The following MED15 variants were observed in gnomAD, a reference collection of about 807,000 sequenced individuals.
MED15 encodes mediator complex subunit 15.
A neutral mutation model predicts 118.7 loss-of-function variants in MED15; 41 were observed. The observed-to-expected ratio is 0.35, with a 90% confidence interval of 0.27 to 0.45. The LOEUF is 0.45. Ranked by LOEUF, MED15 falls within the 20% of genes least tolerant of loss-of-function variation. The pLI is 1.00. For synonymous variants in MED15, 436 were observed against 413.9 expected, an observed-to-expected ratio of 1.05 and a Z score of -0.65; for missense variants, 740 against 1,025.5, an observed-to-expected ratio of 0.72 and a Z score of 3.80.
intron 5 of MED15, among the ~76,000 whole-genome samples, chr22:20,557,573 T>A (rs915894644): frequency 7.9e-5 from 12 of 151,298 alleles, no homozygotes; most frequent in African/African-American, 2.9e-4. Flanking sequence ...CTTGGTGCAT[T>A]TTTTTTTTAA....
At chr22:20,558,490 C>T (rs936838766) in intron 5 of MED15, among the ~76,000 whole-genome samples, 5 of 152,126 alleles carry the variant, frequency 3.3e-5, no homozygotes, top group African/African-American at 4.8e-5. Context: ...TTTCACTCTG[C>T]GCATTTTTGT....
chr22:20,586,637 A>G lies in MED15; in HGVS notation c.2300A>G (p.His767Arg). Residue 767 changes from histidine (H) to arginine (R), a missense_variant, in exon 18 of 18, where the codon CAC becomes CGC. By Grantham distance (29) the His-to-Arg change is conservative. Transcript: ENST00000263205. ...AGGCTGCTGCAGCTCCCGGACAAGC[A>G]CTCGGTCACCGCCTTGCTCAACACC... The part of the protein sequence containing the change: ...TSRLLQLPDK[H>R]SVTALLNTWA... 1 of 1,612,946 alleles carries G rather than the reference A, an allele frequency of 6.2e-7. No homozygotes were observed. Among genetic ancestry groups the G allele is most frequent in the Non-Finnish European group, 8.5e-7 (1 of 1,179,964 alleles).
At chr22:20,524,835 G>A (rs532738891) in intron 1 of MED15, among the ~76,000 whole-genome samples, 33 of 152,102 alleles carry the variant, frequency 2.2e-4, no homozygotes, top group African/African-American at 7.7e-4. Context: ...ACGGGATTTC[G>A]AACTCCTGAC....
intron 1 of MED15, among the ~76,000 whole-genome samples, chr22:20,532,277 TC>T (rs1442736916): frequency 1.1e-4 from 16 of 152,264 alleles, no homozygotes; most frequent in African/African-American, 3.9e-4. Flanking sequence ...TTCCCAAGTT[TC>T]TGGGATGGGC....
chr22:20,585,194 C>A lies in MED15; in HGVS notation c.2058C>A (p.Asp686Glu). 6.2e-7 allele frequency: 1 copy of A among 1,613,766 alleles called. No homozygotes were observed. Among genetic ancestry groups the A allele is most frequent in the Non-Finnish European group, 8.5e-7 (1 of 1,180,000 alleles). The change falls in exon 16 of 18, where the codon GAC becomes GAA. Residue 686 changes from aspartate (D) to glutamate (E), a missense_variant. By Grantham distance (45) the Asp-to-Glu change is conservative. This residue lies in a region of MED15 where 179 missense variants were observed against 259.0 expected (regional missense o/e 0.69). Transcript: ENST00000263205. Reference sequence around the variant, plus strand: ...TCCAGGGTGAGGTGGCCAGGCTGGACCCCAAGTTCCTGGTAAACCTGGACC... The same window carrying A: ...TCCAGGGTGAGGTGGCCAGGCTGGAACCCAAGTTCCTGGTAAACCTGGACC... ...SVLQGEVARLDPKFLVNLDPS... is the reference protein window; with the variant it reads ...SVLQGEVARLEPKFLVNLDPS...
At chr22:20,516,368 T>A (rs1356180437) in intron 1 of MED15, among the ~76,000 whole-genome samples, 1 of 152,054 alleles carries the variant, frequency 6.6e-6, no homozygotes, top group African/African-American at 2.4e-5. Context: ...GAATGGTTGC[T>A]GAACCACAGC....
intron 1 of MED15, among the ~76,000 whole-genome samples, chr22:20,521,551 T>G (rs1399135631): frequency 8.2e-6 from 1 of 121,226 alleles, no homozygotes; most frequent in Non-Finnish European, 1.8e-5. Flanking sequence ...ACCCGGCTAA[T>G]TTTTTTTTTT....
chr22:20,512,587 C>CTTT lies in MED15; in HGVS notation c.68+4861_68+4863dup, dbSNP rs1001694854. Among the ~76,000 whole-genome samples the CTTT allele has an allele frequency of 6.0e-3, 546 of 91,458 alleles. 6 individuals carry two copies. Among genetic ancestry groups the CTTT allele is most frequent in the East Asian group, 0.012 (36 of 2,968 alleles). The allele number at this position is 91,458 out of a possible 152,430, so 60.0% of individuals were successfully genotyped here. A position where few individuals can be genotyped will look rare whatever the true frequency, so the allele number is the denominator to read the frequency against. ...TTCTTGGGGGCTGTGTGAGTCACCT[C>CTTT]TTTTTTTTTTTTTTTTTTTTTTGAG... On this transcript the variant is annotated intron_variant, in intron 1 of 17. Coordinates refer to ENST00000263205, the MANE Select transcript of MED15 (RefSeq NM_001003891.3).
At chr22:20,568,400 G>A (rs1601605940) in intron 7 of MED15, 121 bp from the exon 8 acceptor site, 2 of 1,428,614 alleles carry the variant, frequency 1.4e-6, no homozygotes, top group East Asian at 2.5e-5. Context: ...AGCACATGAG[G>A]TCATGAAAGT....
chr22:20,529,542 G>A (rs758395921), intron 1 of MED15, among the ~76,000 whole-genome samples: 35 of 151,832 alleles, frequency 2.3e-4, no homozygotes, highest in Non-Finnish European at 3.7e-4. Flanking sequence ...CTCCTGCCTC[G>A]GCCTCCCGAG....
At chr22:20,545,151 A>G (rs1191399662) in intron 2 of MED15, among the ~76,000 whole-genome samples, 1 of 152,198 alleles carries the variant, frequency 6.6e-6, no homozygotes, top group African/African-American at 2.4e-5. Context: ...AGGGTGCTGT[A>G]GGGAAATGGA....
intron 9 of MED15, among the ~76,000 whole-genome samples, chr22:20,578,807 T>C (rs1404562531): frequency 6.6e-6 from 1 of 152,236 alleles, no homozygotes; most frequent in Admixed American, 6.5e-5. Flanking sequence ...TCTTGCTCTT[T>C]CCTTGTGGCA....
chr22:20,569,431 G>T (rs144600135), intron 8 of MED15, among the ~76,000 whole-genome samples: 25 of 152,288 alleles, frequency 1.6e-4, no homozygotes, highest in African/African-American at 5.5e-4. Flanking sequence ...TAAGACTGTG[G>T]CTGGGTCCCA....
At chr22:20,527,195 G>A (rs2054675214) in intron 1 of MED15, among the ~76,000 whole-genome samples, 1 of 151,934 alleles carries the variant, frequency 6.6e-6, no homozygotes, top group Non-Finnish European at 1.5e-5. Context: ...TTCCTGTGCT[G>A]GAGTGTTTAA....
intron 1 of MED15, among the ~76,000 whole-genome samples, chr22:20,512,531 C>T (rs2054105827): frequency 6.8e-6 from 1 of 147,644 alleles, no homozygotes; most frequent in Admixed American, 6.8e-5. Context: ...ACCTGGTATA[C>T]AAAACACTTG....
At chr22:20,565,427 A>T (rs2146587456) in intron 6 of MED15, among the ~76,000 whole-genome samples, 1 of 152,334 alleles carries the variant, frequency 6.6e-6, no homozygotes, top group South Asian at 2.1e-4. Flanking sequence ...GTCGACCTCC[A>T]GCTGGTGTTG....
Position 20,546,379 on chromosome 22 carries a change from G to A in MED15, c.157-5057G>A, listed in dbSNP as rs151235711. Among the ~76,000 whole-genome samples the A allele has an allele frequency of 2.3e-3, 347 of 152,248 alleles. 3 individuals carry two copies. The highest frequency in any genetic ancestry group is 7.8e-3 in the African/African-American group (324 of 41,550). ...TGATATTCCCATAAGACCACAATTT[G>A]GAGGTTTGGAGAGCAACAACAGCCT... On this transcript the variant is annotated intron_variant, in intron 2 of 17. Transcript: ENST00000263205.
intron 5 of MED15, among the ~76,000 whole-genome samples, chr22:20,562,509 T>C (rs1254459530): frequency 3.3e-5 from 5 of 152,000 alleles, no homozygotes; most frequent in Non-Finnish European, 7.4e-5. Context: ...CTCAGCCTCC[T>C]GAGTAGCTGG....
chr22:20,552,570 G>A (rs1345571200), intron 3 of MED15: 1 of 455,944 alleles, frequency 2.2e-6, no homozygotes, highest in Admixed American at 2.6e-5. Context: ...ACACAGTCCT[G>A]TGGGGCTCAT....
Sources: gnomAD v4.1 joint callset for allele counts (sites outside exome capture counted in the v4.1 genomes callset) on GRCh38, gnomAD v4.1.1 for gene constraint, gnomAD v4.1.1 regional missense constraint, MANE v1.5 for transcripts, NCBI Gene and HGNC (gene_info 2026-07-23, HGNC 2026-07-21) for gene names.